The following XPO7 variants were observed in gnomAD, a reference collection of about 807,000 sequenced individuals.
XPO7 encodes exportin 7.
In XPO7, 21 loss-of-function variants were observed where a neutral mutation model predicts 144.3. The ratio of observed to expected loss-of-function variants is 0.15; its 90% CI spans 0.10 to 0.21. The LOEUF (loss-of-function observed/expected upper bound fraction) is 0.21, where lower values mean the gene tolerates loss of function less well. Ranked by LOEUF, XPO7 falls within the 10% of genes least tolerant of loss-of-function variation. The probability of loss-of-function intolerance (pLI) is 1.00; values close to 1 mark genes in which losing one functional copy is unlikely to be tolerated. For synonymous variants in XPO7, 580 were observed against 499.6 expected, an observed-to-expected ratio of 1.16 and a Z score of -2.15; for missense variants, 808 against 1,325.8, an observed-to-expected ratio of 0.61 and a Z score of 6.06.
chr8:21,980,703 A>G (rs1457196256), intron 9 of XPO7, among the ~76,000 whole-genome samples: 4 of 150,672 alleles, frequency 2.7e-5, no homozygotes, highest in Non-Finnish European at 5.9e-5. Flanking sequence ...TGAACCCGGG[A>G]GGCAGAAGTT....
At chr8:21,984,623 C>G in intron 11 of XPO7, 23 bp from the exon 12 acceptor site, 1 of 1,587,206 alleles carries the variant, frequency 6.3e-7, no homozygotes, top group Non-Finnish European at 8.6e-7. Context: ...AGAGAGCTGC[C>G]TTCCTTCTTC....
chr8:21,967,479 C>T (rs200291287), intron 2 of XPO7, among the ~76,000 whole-genome samples: 1 of 152,128 alleles, frequency 6.6e-6, no homozygotes, highest in East Asian at 1.9e-4. Flanking sequence ...CACAGGCATG[C>T]ACCACCAAGC....
At chr8:21,969,902 G>A (rs911437271) in intron 3 of XPO7, 1 of 550,874 alleles carries the variant, frequency 1.8e-6, no homozygotes, top group East Asian at 3.1e-5. Flanking sequence ...CCTAGGGATA[G>A]AGTCAAAGCA....
chr8:21,941,633 C>T (rs1327962072), intron 1 of XPO7, among the ~76,000 whole-genome samples: 2 of 152,032 alleles, frequency 1.3e-5, no homozygotes, highest in African/African-American at 4.8e-5. Context: ...TGGTTGAGTC[C>T]ATTAGTACAG....
At position 21,992,687 on chromosome 8, in the gene XPO7, T is replaced by G. The variant is rs543421059; in HGVS notation, c.2148+713T>G. 3.3e-5 allele frequency among the ~76,000 whole-genome samples: 5 copies of G among 152,320 alleles called. No individual in the cohort carries two copies. The South Asian group carries it at 1.0e-3, about 32-fold the overall frequency. ...CCCCAGCTTCCCACGTGGCTAGGATTATAGGCACGAGACACGATGCCCAGT... is the reference window on the plus strand; with the variant it reads ...CCCCAGCTTCCCACGTGGCTAGGATGATAGGCACGAGACACGATGCCCAGT... On this transcript the variant is annotated intron_variant, in intron 19 of 27. Coordinates refer to ENST00000252512, the MANE Select transcript of XPO7 (RefSeq NM_015024.5).
At chr8:21,963,519 C>A (rs1028604298) in intron 1 of XPO7, among the ~76,000 whole-genome samples, 5 of 152,040 alleles carry the variant, frequency 3.3e-5, no homozygotes, top group Non-Finnish European at 4.4e-5. Flanking sequence ...TATGGTGAAA[C>A]CCCGTCTCTA....
chr8:21,926,237 A>G (rs915601019), intron 1 of XPO7, among the ~76,000 whole-genome samples: 1 of 152,170 alleles, frequency 6.6e-6, no homozygotes, highest in African/African-American at 2.4e-5. Flanking sequence ...GTACTACTTC[A>G]GGAAATTGTA....
At chr8:21,947,008 A>G (rs180789472) in intron 1 of XPO7, among the ~76,000 whole-genome samples, 161 of 152,352 alleles carry the variant, frequency 1.1e-3, no homozygotes, top group African/African-American at 3.7e-3. Flanking sequence ...GTTTACTACC[A>G]GCACATCTTT....
At chr8:21,963,962 G>T (rs1811807336) in intron 1 of XPO7, among the ~76,000 whole-genome samples, 1 of 152,118 alleles carries the variant, frequency 6.6e-6, no homozygotes, top group South Asian at 2.1e-4. Flanking sequence ...TACTGGTGTT[G>T]CTAGATTTTA....
At chr8:21,964,917 G>C (rs997837507) in intron 1 of XPO7, among the ~76,000 whole-genome samples, 2 of 152,194 alleles carry the variant, frequency 1.3e-5, no homozygotes, top group Admixed American at 6.5e-5. Flanking sequence ...GGAACTGATT[G>C]ATCAGACTTT....
At chr8:21,920,967 A>C (rs1810262729) in intron 1 of XPO7, among the ~76,000 whole-genome samples, 1 of 152,158 alleles carries the variant, frequency 6.6e-6, no homozygotes, top group South Asian at 2.1e-4. Context: ...TAAATAAAAG[A>C]CTTAATTTTC....
chr8:21,978,234 TGATGAGAAGGC>T (rs1266087192), intron 8 of XPO7, among the ~76,000 whole-genome samples: 1 of 152,208 alleles, frequency 6.6e-6, no homozygotes, highest in Non-Finnish European at 1.5e-5. Flanking sequence ...ATGGAAACTG[TGATGAGAAGGC>T]TAATTTGCAT....
chr8:21,932,616 A>G (rs1299297345), intron 1 of XPO7, among the ~76,000 whole-genome samples: 1 of 151,920 alleles, frequency 6.6e-6, no homozygotes, highest in Admixed American at 6.6e-5. Context: ...AGGAGGGCCA[A>G]AAAGCTTTCT....
rs576341448 is a variant in XPO7 at position 21,919,705 on chromosome 8, A to G, written c.-66A>G. 1.1e-4 allele frequency: 23 copies of G among 207,116 alleles called. No individual in the cohort carries two copies. Among genetic ancestry groups the G allele is most frequent in the African/African-American group, 3.8e-4 (16 of 42,060 alleles). The allele number at this position is 207,116 out of a possible 1,614,324, so 12.8% of individuals were successfully genotyped here. A position where few individuals can be genotyped will look rare whatever the true frequency, so the allele number is the denominator to read the frequency against. The stretch of plus-strand genomic sequence containing the variant: ...CGACGGCGTCGGCGGCGGCGGCGGC[A>G]GCGGCTCCGGCCGAGGTGCGCGCTG... On this transcript the variant is annotated 5_prime_UTR_variant, in exon 1 of 28. Coordinates refer to ENST00000252512, the MANE Select transcript of XPO7 (RefSeq NM_015024.5).
chr8:22,005,421 A>G lies in XPO7; in HGVS notation c.*333A>G. 5.1e-6 allele frequency: 1 copy of G among 194,294 alleles called. No individual in the cohort carries two copies. Among genetic ancestry groups the G allele is most frequent in the Non-Finnish European group, 1.0e-5 (1 of 95,574 alleles). The allele number at this position is 194,294 out of a possible 1,614,324, so 12.0% of individuals were successfully genotyped here. On this transcript the variant is annotated 3_prime_UTR_variant, in exon 28 of 28. Transcript: ENST00000252512. ...CACAACCTGCCTTGTATAAACATGT[A>G]CATTTTTTCATAACATTTTGAACAA...
rs552743044 is a variant in XPO7, at chr8:22,003,604, A to G, written c.3042+287A>G. Among the ~76,000 whole-genome samples, 5 of 152,196 alleles carry G rather than the reference A, an allele frequency of 3.3e-5. No homozygotes were observed. The South Asian group carries it at 8.3e-4, about 25-fold the overall frequency. On this transcript the variant is annotated intron_variant, in intron 26 of 27. Coordinates refer to ENST00000252512, the MANE Select transcript of XPO7 (RefSeq NM_015024.5). ...AATGTACCTGGGTATCAGAGGACCT[A>G]AGACCTAAGTTCTAGTTCTAGCTCT...
Position 21,976,481 on chromosome 8 carries a change from C to A in XPO7, c.723C>A (p.Asp241Glu). ...GCACTTCCACTGATGAGTCCTCAGA[C>A]GACCTGTGTACAGTGCAGATTCCCA... is the stretch of plus-strand genomic sequence containing the variant. ...FIGTSTDESS[D>E]DLCTVQIPTS... The change falls in exon 7 of 28, where the codon GAC becomes GAA. Residue 241 changes from aspartate to glutamate, a missense_variant. By Grantham distance (45) the Asp-to-Glu change is conservative. Transcript: ENST00000252512. 1 of 1,613,924 alleles carries A rather than the reference C, an allele frequency of 6.2e-7. No individual in the cohort carries two copies. The highest frequency in any genetic ancestry group is 8.5e-7 in the Non-Finnish European group (1 of 1,179,838).
intron 16 of XPO7, among the ~76,000 whole-genome samples, 157 bp downstream of exon 16, chr8:21,989,240 C>T (rs1039141553): frequency 2.0e-5 from 3 of 152,230 alleles, no homozygotes; most frequent in African/African-American, 7.2e-5. Context: ...AATGCCCATG[C>T]AGAATATAGG....
chr8:21,998,642 C>T (rs1813033810), intron 21 of XPO7, 113 bp from the exon 22 acceptor site: 3 of 783,994 alleles, frequency 3.8e-6, no homozygotes, highest in Admixed American at 5.2e-5. Flanking sequence ...TAGGCAATTG[C>T]TTACCTTAAT....
Sources: allele counts gnomAD v4.1 joint callset (sites outside exome capture counted in the v4.1 genomes callset), GRCh38; gene constraint gnomAD v4.1.1; transcripts MANE v1.5; gene names NCBI Gene and HGNC (gene_info 2026-07-23, HGNC 2026-07-21).